Variants in CAMTA1 observed in about 807,000 individuals in gnomAD.
CAMTA1 encodes the protein calmodulin-binding transcription activator 1.
Under a neutral mutation model 170.9 loss-of-function variants are expected in CAMTA1, and 27 were observed. That is an observed-to-expected ratio of 0.16 (90% CI 0.12 to 0.22). The LOEUF is 0.22. CAMTA1 is among the 10% of genes least tolerant of loss of function. CAMTA1 has a pLI of 1.00. For missense variants in CAMTA1, 1,619 were observed against 2,217.2 expected (o/e 0.73, Z 5.42); for synonymous variants, 833 against 891.5 (o/e 0.93, Z 1.17).
chr1:7,388,739 C>A (rs150132481), intron 5 of CAMTA1, among the ~76,000 whole-genome samples: 1 of 152,194 alleles, frequency 6.6e-6, no homozygotes, highest in African/African-American at 2.4e-5. Flanking sequence ...CTCCTGGGAG[C>A]GTTCCTGCCC....
intron 6 of CAMTA1, among the ~76,000 whole-genome samples, chr1:7,628,030 C>G (rs139427901): frequency 2.6e-5 from 4 of 152,256 alleles, no homozygotes; most frequent in Admixed American, 2.6e-4. Context: ...ACAAAAAACT[C>G]GACTTGAACT....
At chr1:7,005,861 G>A (rs952667461) in intron 3 of CAMTA1, among the ~76,000 whole-genome samples, 5 of 152,228 alleles carry the variant, frequency 3.3e-5, no homozygotes, top group African/African-American at 1.2e-4. Flanking sequence ...AACACATACA[G>A]CCATTTGCAG....
In CAMTA1 at chr1:7,389,975, T is replaced by C. The variant is rs568749010; in HGVS notation, c.439-77855T>C. 1.2e-4 allele frequency among the ~76,000 whole-genome samples: 19 copies of C among 152,288 alleles called. No individual in the cohort carries two copies. In the South Asian group the frequency reaches 3.9e-3, roughly 32 times the overall value. On this transcript the variant is annotated intron_variant, in intron 5 of 22. Transcript: ENST00000303635. ...TGCTATTTGTGTCCCCCGCCTTCCA[T>C]TGTGATGCTGCACAATAACTTTTAC...
chr1:7,630,657 C>G (rs574622855), intron 6 of CAMTA1, among the ~76,000 whole-genome samples: 10 of 152,350 alleles, frequency 6.6e-5, no homozygotes, highest in African/African-American at 2.2e-4. Context: ...CTCCTGCTGG[C>G]GCACAGGCTT....
At chr1:7,058,877 A>G (rs1031102586) in intron 3 of CAMTA1, among the ~76,000 whole-genome samples, 3 of 107,398 alleles carry the variant, frequency 2.8e-5, no homozygotes, top group Non-Finnish European at 6.2e-5. Flanking sequence ...ACATACACAC[A>G]CACACATACA....
At chr1:6,794,664 A>G (rs1444650450) in intron 1 of CAMTA1, among the ~76,000 whole-genome samples, 1 of 152,154 alleles carries the variant, frequency 6.6e-6, no homozygotes, top group African/African-American at 2.4e-5. Context: ...GAAACATTAG[A>G]CATCTAGGAA....
intron 6 of CAMTA1, among the ~76,000 whole-genome samples, chr1:7,617,010 A>G (rs11120989): frequency 0.24 from 37,012 of 152,146 alleles, 6,981 homozygotes; most frequent in African/African-American, 0.53. Flanking sequence ...TCTAAGGCAC[A>G]GAGGGTTGAG....
At chr1:7,051,297 C>T (rs550518690) in intron 3 of CAMTA1, among the ~76,000 whole-genome samples, 44 of 152,250 alleles carry the variant, frequency 2.9e-4, no homozygotes, top group African/African-American at 9.4e-4. Flanking sequence ...CAGAGGCAGA[C>T]GGCAGCTGAC....
At chr1:7,381,270 C>G (rs1002057516) in intron 5 of CAMTA1, among the ~76,000 whole-genome samples, 2 of 151,156 alleles carry the variant, frequency 1.3e-5, no homozygotes, top group Non-Finnish European at 2.9e-5. Flanking sequence ...CGTCATCTAG[C>G]ATTAGGTATA....
chr1:7,048,102 G>A (rs1705702295), intron 3 of CAMTA1, among the ~76,000 whole-genome samples: 1 of 152,094 alleles, frequency 6.6e-6, no homozygotes, highest in South Asian at 2.1e-4. Context: ...GAGGGGAGGG[G>A]GGTGGTCATG....
intron 22 of CAMTA1, among the ~76,000 whole-genome samples, chr1:7,756,950 T>C (rs1398379589): frequency 6.6e-6 from 1 of 152,250 alleles, no homozygotes; most frequent in Non-Finnish European, 1.5e-5. Context: ...CTGTTTCTTA[T>C]ATATAATCTT....
chr1:7,139,827 G>A (rs1394198666), intron 4 of CAMTA1, among the ~76,000 whole-genome samples: 2 of 152,178 alleles, frequency 1.3e-5, no homozygotes. Context: ...AATGCTTCGT[G>A]ACTCAAATTG....
At chr1:7,180,310 A>G (rs1424266684) in intron 4 of CAMTA1, among the ~76,000 whole-genome samples, 2 of 151,986 alleles carry the variant, frequency 1.3e-5, no homozygotes, top group East Asian at 1.9e-4. Context: ...GTGAGCTGAG[A>G]TCACACCATT....
At chr1:7,170,095 T>A (rs1326463614) in intron 4 of CAMTA1, among the ~76,000 whole-genome samples, 2 of 152,174 alleles carry the variant, frequency 1.3e-5, no homozygotes, top group Non-Finnish European at 2.9e-5. Context: ...TTCTTCTAAT[T>A]TCTTAAGCAG....
At chr1:7,241,531 A>C (rs918809262) in intron 4 of CAMTA1, among the ~76,000 whole-genome samples, 5 of 152,264 alleles carry the variant, frequency 3.3e-5, no homozygotes, top group Non-Finnish European at 5.9e-5. Context: ...GAGGACTTAT[A>C]GTCCCGGATT....
chr1:6,811,573 G>A (rs1366766667), intron 1 of CAMTA1, among the ~76,000 whole-genome samples: 1 of 152,050 alleles, frequency 6.6e-6, no homozygotes, highest in Admixed American at 6.5e-5. Flanking sequence ...TTTCCCCTCC[G>A]ATTTGTTGCT....
chr1:7,147,842 C>T (rs1439278244), intron 4 of CAMTA1, among the ~76,000 whole-genome samples: 1 of 134,736 alleles, frequency 7.4e-6, no homozygotes, highest in African/African-American at 2.6e-5. Flanking sequence ...AACTCATATA[C>T]CATGCACACA....
chr1:7,367,575 G>A (rs2086069787), intron 5 of CAMTA1, among the ~76,000 whole-genome samples: 1 of 152,230 alleles, frequency 6.6e-6, no homozygotes, highest in African/African-American at 2.4e-5. Flanking sequence ...AACACTGGGA[G>A]AGCTGATGCC....
intron 6 of CAMTA1, among the ~76,000 whole-genome samples, chr1:7,496,464 C>T (rs775466625): frequency 1.2e-4 from 19 of 152,176 alleles, no homozygotes; most frequent in Non-Finnish European, 2.8e-4. Context: ...TCACAGCCTG[C>T]GTGTGCACAT....
Sources: allele counts gnomAD v4.1 joint callset (sites outside exome capture counted in the v4.1 genomes callset), GRCh38; gene constraint gnomAD v4.1.1; transcripts MANE v1.5; gene names NCBI Gene and HGNC (gene_info 2026-07-23, HGNC 2026-07-21).